The following STRN variants were observed in gnomAD, a reference collection of about 807,000 sequenced individuals.
STRN encodes the protein protein phosphatase 2 regulatory subunit B'''alpha.
Under a neutral mutation model 96.3 loss-of-function variants are expected in STRN, and 53 were observed. The observed-to-expected ratio is 0.55, with a 90% CI of 0.44 to 0.69. The LOEUF (loss-of-function observed/expected upper bound fraction) is 0.69, where lower values mean the gene tolerates loss of function less well. Among genes scored for constraint, STRN ranks in the 30% least tolerant of loss-of-function variants. STRN has a pLI of 0.00. For synonymous variants in STRN, 428 were observed against 355.9 expected (o/e 1.20, Z -2.28); for missense variants, 987 against 963.9 (o/e 1.02, Z -0.32).
chr2:36,880,151 C>T (rs534492486), intron 9 of STRN, among the ~76,000 whole-genome samples: 8 of 152,102 alleles, frequency 5.3e-5, no homozygotes, highest in South Asian at 2.1e-4. Flanking sequence ...TATTTTTAGT[C>T]GAGATGGGGT....
At chr2:36,924,172 T>G (rs1004564304) in intron 2 of STRN, among the ~76,000 whole-genome samples, 1 of 152,008 alleles carries the variant, frequency 6.6e-6, no homozygotes, top group Admixed American at 6.6e-5. Flanking sequence ...CTGGCTCACA[T>G]GGTGAAACCC....
At chr2:36,866,632 T>TA (rs1463180369) in intron 12 of STRN, among the ~76,000 whole-genome samples, 5 of 152,342 alleles carry the variant, frequency 3.3e-5, no homozygotes, top group African/African-American at 9.6e-5. Flanking sequence ...AGTGGGGTGT[T>TA]AAAGTCTCCC....
In STRN at chr2:36,955,621, G is replaced by A. The variant is rs10174832; in HGVS notation, c.234+10609C>T. On this transcript the variant is annotated intron_variant, in intron 1 of 17. Coordinates refer to ENST00000263918, the MANE Select transcript of STRN (RefSeq NM_003162.4). The stretch of plus-strand genomic sequence containing the variant: ...TTCCTCAATTTCTCTCTTGCCTCAA[G>A]CGTCCTTTCTGAACTCCAAATCTGC... Among the ~76,000 whole-genome samples the A allele has an allele frequency of 9.6e-3, 1,459 of 152,042 alleles. 13 individuals are homozygous for A. Among genetic ancestry groups the A allele is most frequent in the Non-Finnish European group, 0.013 (878 of 68,004 alleles).
rs555595674 is a variant in STRN, at chr2:36,844,215, T to G, written c.*5241A>C. The G allele has an allele frequency of 8.5e-5, 13 of 152,154 alleles. 1 individual carries two copies. In the South Asian group the frequency reaches 2.5e-3, roughly 29 times the overall value. 9.4% of individuals were successfully genotyped at this position (152,154 alleles called of 1,614,324 possible). A position where few individuals can be genotyped will look rare whatever the true frequency, so the allele number is the denominator to read the frequency against. On this transcript the variant is annotated 3_prime_UTR_variant, in exon 18 of 18. Transcript: ENST00000263918. ...ATTAATCTGGGCTGGAAAAAAAGTGTGTGGAGAAGGGGAGTTGTATTGTTT... is the reference window on the plus strand; with the variant it reads ...ATTAATCTGGGCTGGAAAAAAAGTGGGTGGAGAAGGGGAGTTGTATTGTTT...
intron 9 of STRN, among the ~76,000 whole-genome samples, chr2:36,882,932 T>C (rs1349563997): frequency 5.3e-5 from 8 of 152,152 alleles, no homozygotes. Flanking sequence ...AGACCTTGTG[T>C]CTAAAAGAAA....
chr2:36,883,087 A>T (rs545838142), intron 9 of STRN, among the ~76,000 whole-genome samples: 1 of 152,316 alleles, frequency 6.6e-6, no homozygotes, highest in East Asian at 1.9e-4. Flanking sequence ...TAAGAACACA[A>T]AATAGAATTA....
At position 36,849,633 on chromosome 2, in the gene STRN, C is replaced by CA. The variant is rs554989653; in HGVS notation, c.2174-9dup. 9.8e-4 allele frequency: 1,424 copies of CA among 1,457,870 alleles called. No homozygotes were observed. The highest frequency in any genetic ancestry group is 1.3e-3 in the Admixed American group (67 of 52,722). 90.3% of individuals were successfully genotyped at this position (1,457,870 alleles called of 1,614,324 possible). On this transcript the variant is annotated splice_polypyrimidine_tract_variant and intron_variant, in intron 17 of 17. Coordinates refer to ENST00000263918, the MANE Select transcript of STRN (RefSeq NM_003162.4). ...GTATTGAACAGTCATGACCTATATC[C>CA]AAAAAAAAAATTAAAAGGAAAAATT...
intron 1 of STRN, among the ~76,000 whole-genome samples, chr2:36,946,649 A>T (rs893252683): frequency 6.6e-6 from 1 of 152,218 alleles, no homozygotes; most frequent in Non-Finnish European, 1.5e-5. Context: ...AAAGGAATGG[A>T]GAGAGGCTAG....
chr2:36,869,594 A>G lies in STRN; in HGVS notation c.1459T>C (p.Leu487=). ...VLITASEDHT[L]KMWNLQKTAP... The stretch of plus-strand genomic sequence containing the variant: ...GTTTTCTGTAAATTCCACATTTTTA[A>G]TGTGTGATCCTCTGATGCTGTTATC... The change falls in exon 11 of 18, where the codon TTA becomes CTA. Residue 487 remains leucine (L), a synonymous_variant. Transcript: ENST00000263918. The G allele has an allele frequency of 6.3e-7, 1 of 1,598,204 alleles. No individual in the cohort carries two copies.
At chr2:36,857,821 G>C in intron 14 of STRN, 35 bp downstream of exon 14, 6 of 1,559,118 alleles carry the variant, frequency 3.8e-6, no homozygotes, top group South Asian at 1.2e-5. Context: ...CTGTTTTATA[G>C]AGGATTCAGC....
chr2:36,965,640 G>A (rs981992402), intron 1 of STRN, among the ~76,000 whole-genome samples: 3 of 152,186 alleles, frequency 2.0e-5, no homozygotes, highest in African/African-American at 7.2e-5. Flanking sequence ...AAACGTGGGA[G>A]GGGGCCGGGG....
chr2:36,879,768 T>C (rs1360895884), intron 9 of STRN, among the ~76,000 whole-genome samples: 4 of 152,218 alleles, frequency 2.6e-5, no homozygotes, highest in Non-Finnish European at 5.9e-5. Context: ...CTGTATTGAC[T>C]AGTGCACGTA....
chr2:36,917,459 G>T (rs572489614), intron 2 of STRN, among the ~76,000 whole-genome samples: 27 of 150,580 alleles, frequency 1.8e-4, no homozygotes, highest in Admixed American at 1.2e-3. Flanking sequence ...TGCAGAGGTT[G>T]CAGTGAGTGA....
chr2:36,920,836 G>A lies in STRN; in HGVS notation c.338+4269C>T, dbSNP rs1330135808. Reference sequence around the variant, plus strand: ...TCACGTCTGTGATCCCAACACTTTCGGAGGCCAAGGCGGGCGGATCACAAG... The same window carrying A: ...TCACGTCTGTGATCCCAACACTTTCAGAGGCCAAGGCGGGCGGATCACAAG... On this transcript the variant is annotated intron_variant, in intron 2 of 17. Transcript: ENST00000263918. Among the ~76,000 whole-genome samples the A allele has an allele frequency of 1.1e-4, 17 of 151,868 alleles. 1 individual carries two copies. Among genetic ancestry groups the A allele is most frequent in the African/African-American group, 4.8e-5 (2 of 41,346 alleles).
chr2:36,861,948 C>T (rs1393786177), intron 12 of STRN, among the ~76,000 whole-genome samples: 1 of 152,074 alleles, frequency 6.6e-6, no homozygotes, highest in African/African-American at 2.4e-5. Flanking sequence ...CAAGTTGGCC[C>T]TAGTGTCTAT....
At position 36,857,980 on chromosome 2, in the gene STRN, T is replaced by G. The variant is rs371953930; in HGVS notation, c.1713A>C (p.Ala571=). ...CTGCACTATAAGCCAAACCCCAGAC[T>G]GCATCCGTGTGGCCTAGCAGAGGGC... The part of the protein sequence containing the change: ...LRGPLLGHTD[A]VWGLAYSAAH... Residue 571 remains alanine (A), a synonymous_variant, in exon 14 of 18, where the codon GCA becomes GCC. Coordinates refer to ENST00000263918, the MANE Select transcript of STRN (RefSeq NM_003162.4). 6.2e-7 allele frequency: 1 copy of G among 1,612,324 alleles called. No individual in the cohort carries two copies. Among genetic ancestry groups the G allele is most frequent in the East Asian group, 2.2e-5 (1 of 44,836 alleles).
chr2:36,864,392 T>G (rs968542296), intron 12 of STRN, among the ~76,000 whole-genome samples: 1 of 152,228 alleles, frequency 6.6e-6, no homozygotes, highest in African/African-American at 2.4e-5. Flanking sequence ...CGAAAGCCTT[T>G]TCTGCATCTG....
intron 1 of STRN, among the ~76,000 whole-genome samples, chr2:36,965,110 T>C (rs894072665): frequency 7.5e-5 from 10 of 133,894 alleles, no homozygotes; most frequent in African/African-American, 3.1e-4. Context: ...ATTTCTCCTC[T>C]TCTTTTTTTT....
At position 36,884,572 on chromosome 2, in the gene STRN, G is replaced by C. The variant is rs147919017; in HGVS notation, c.1043-497C>G. Among the ~76,000 whole-genome samples the C allele has an allele frequency of 1.5e-4, 23 of 152,176 alleles. 1 individual carries two copies. The highest frequency in any genetic ancestry group is 5.1e-4 in the African/African-American group (21 of 41,518). Reference sequence around the variant, plus strand: ...ATCCCTGTTTTGACTGTTTTATATAGGATAGAGGCTGAAACAGATCTTCAG... The same window carrying C: ...ATCCCTGTTTTGACTGTTTTATATACGATAGAGGCTGAAACAGATCTTCAG... On this transcript the variant is annotated intron_variant, in intron 8 of 17. Coordinates refer to ENST00000263918, the MANE Select transcript of STRN (RefSeq NM_003162.4).
Sources: gnomAD v4.1 joint callset for allele counts (sites outside exome capture counted in the v4.1 genomes callset) on GRCh38, gnomAD v4.1.1 for gene constraint, MANE v1.5 for transcripts, NCBI Gene and HGNC (gene_info 2026-07-23, HGNC 2026-07-21) for gene names.